NDE1: variants seen among roughly 807,000 people sequenced by gnomAD.
NDE1 encodes the protein nuclear distribution protein nudE homolog 1.
In NDE1, 28 loss-of-function variants were observed where a neutral mutation model predicts 43.4. The ratio of observed to expected loss-of-function variants is 0.65; its 90% CI spans 0.48 to 0.89. The LOEUF is 0.89. NDE1 is among the 40% of genes least tolerant of loss of function. NDE1 has a pLI of 0.00. For missense variants in NDE1, 441 were observed against 434.1 expected (o/e 1.02, Z -0.14); for synonymous variants, 184 against 172.0 (o/e 1.07, Z -0.55).
chr16:15,695,480 A>C, intron 7 of NDE1: 5 of 968,298 alleles, frequency 5.2e-6, no homozygotes, highest in Non-Finnish European at 6.1e-6. Flanking sequence ...TGGGTGACAA[A>C]GTGAGACTTG....
At chr16:15,695,466 C>A in intron 7 of NDE1, 1 of 974,766 alleles carries the variant, frequency 1.0e-6, no homozygotes, top group Non-Finnish European at 1.2e-6. Flanking sequence ...TGAGATCGCA[C>A]CGCTGGGTGA....
intron 1 of NDE1, among the ~76,000 whole-genome samples, chr16:15,654,613 A>C (rs1178551018): frequency 4.7e-5 from 7 of 148,930 alleles, no homozygotes; most frequent in South Asian, 2.1e-4. Flanking sequence ...AAAAAAAAAA[A>C]AAACAAAAAA....
At chr16:15,718,590 A>G in intron 8 of NDE1, 1 of 1,221,856 alleles carries the variant, frequency 8.2e-7, no homozygotes, top group Non-Finnish European at 1.1e-6. Flanking sequence ...CTGTAGTTAC[A>G]CAGCCAGGAA....
chr16:15,714,637 T>C (rs1434230282), intron 8 of NDE1: 2 of 573,106 alleles, frequency 3.5e-6, no homozygotes, highest in Non-Finnish European at 6.3e-6. Flanking sequence ...GGGGATAGCC[T>C]CTTCCTCCTC....
At chr16:15,709,397 C>A (rs983985309) in intron 8 of NDE1, among the ~76,000 whole-genome samples, 3 of 151,934 alleles carry the variant, frequency 2.0e-5, no homozygotes, top group Admixed American at 6.6e-5. Flanking sequence ...TCACTGCAAC[C>A]TCCACCTCCC....
At chr16:15,718,617 C>T (rs1167791497) in intron 8 of NDE1, 2 of 940,410 alleles carry the variant, frequency 2.1e-6, no homozygotes, top group Non-Finnish European at 3.1e-6. Context: ...AGCCGGGACT[C>T]AGGCCGGGTC....
At position 15,703,925 on chromosome 16, in the gene NDE1, G is replaced by GTT. The variant is rs5815842; in HGVS notation, c.947+7072_947+7073dup. The GTT allele has an allele frequency of 2.5e-6, 4 of 1,606,348 alleles. No homozygotes were observed. The African/African-American group carries it at 5.4e-5, about 22-fold the overall frequency. On this transcript the variant is annotated intron_variant, in intron 8 of 8. Transcript: ENST00000396354. ...TTGCTTTGTTCTGGGTTGTTGTTGG[G>GTT]TTTTTTTTGTTTGTTTGTTTTGGTT...
intron 6 of NDE1, among the ~76,000 whole-genome samples, chr16:15,693,126 C>G (rs937035797): frequency 6.6e-6 from 1 of 151,926 alleles, no homozygotes; most frequent in Non-Finnish European, 1.5e-5. Flanking sequence ...CTCAGCCTCC[C>G]GAGTAGCTGG....
intron 4 of NDE1, among the ~76,000 whole-genome samples, chr16:15,685,469 T>G (rs191816488): frequency 2.4e-3 from 366 of 152,268 alleles, no homozygotes; most frequent in African/African-American, 8.3e-3. Flanking sequence ...CAGGCTGGTC[T>G]TGAACCCTGG....
intron 1 of NDE1, among the ~76,000 whole-genome samples, chr16:15,663,004 C>G (rs1189150505): frequency 6.6e-6 from 1 of 152,170 alleles, no homozygotes; most frequent in East Asian, 1.9e-4. Context: ...TCACATCACT[C>G]TCTTCCCTAA....
At chr16:15,683,319 A>G (rs2038277064) in intron 4 of NDE1, 1 of 151,918 alleles carries the variant, frequency 6.6e-6, no homozygotes, top group Non-Finnish European at 1.5e-5. Context: ...TTATTGCAAT[A>G]TTTTGCTGTT....
Position 15,702,727 on chromosome 16 carries a change from A to G in NDE1, c.947+5867A>G, listed in dbSNP as rs775103123. ...AGCCACCATCTGACGTTTTGTGGAA[A>G]GTGTTTGCTGACTCATTGGACAAGA... On this transcript the variant is annotated intron_variant, in intron 8 of 8. Transcript: ENST00000396354. 2.6e-5 allele frequency among the ~76,000 whole-genome samples: 4 copies of G among 152,060 alleles called. No homozygotes were observed. The East Asian group carries it at 7.7e-4, about 29-fold the overall frequency.
intron 5 of NDE1, 88 bp downstream of exon 5, chr16:15,687,599 T>G: frequency 7.9e-7 from 1 of 1,272,956 alleles, no homozygotes; most frequent in Non-Finnish European, 1.1e-6. Flanking sequence ...AGCATTATCT[T>G]TACAGGGACC....
chr16:15,670,493 A>G (rs929440760), intron 3 of NDE1, among the ~76,000 whole-genome samples: 2 of 152,030 alleles, frequency 1.3e-5, no homozygotes. Flanking sequence ...CCCTGTCTCT[A>G]CTAAAACTAC....
At chr16:15,683,225 T>G (rs1033564589) in intron 4 of NDE1, 1 of 152,208 alleles carries the variant, frequency 6.6e-6, no homozygotes, top group African/African-American at 2.4e-5. Flanking sequence ...TCTCTTTATA[T>G]TTACTGAAAA....
chr16:15,710,614 C>G (rs183835789), intron 8 of NDE1, among the ~76,000 whole-genome samples: 3 of 151,968 alleles, frequency 2.0e-5, no homozygotes, highest in Admixed American at 6.5e-5. Flanking sequence ...GTATCCCCAT[C>G]GCTCAGCCCA....
intron 5 of NDE1, 36 bp from the exon 6 acceptor site, chr16:15,691,108 G>A (rs1567653029): frequency 6.2e-7 from 1 of 1,613,734 alleles, no homozygotes. Context: ...GCGCCTGGCT[G>A]AGGACTTGAA....
chr16:15,700,453 T>C (rs1347379804), intron 8 of NDE1: 1 of 150,664 alleles, frequency 6.6e-6, no homozygotes, highest in Admixed American at 6.6e-5. Context: ...TTTTTTTTTT[T>C]TCTTTTTTGA....
intron 1 of NDE1, among the ~76,000 whole-genome samples, chr16:15,656,390 C>T (rs1037632773): frequency 1.3e-5 from 2 of 152,088 alleles, no homozygotes; most frequent in South Asian, 2.1e-4. Flanking sequence ...CTCCCATTGG[C>T]CCGTTGTAAT....
Sources: allele counts gnomAD v4.1 joint callset (sites outside exome capture counted in the v4.1 genomes callset), GRCh38; gene constraint gnomAD v4.1.1; transcripts MANE v1.5; gene names NCBI Gene and HGNC (gene_info 2026-07-23, HGNC 2026-07-21).